Variants in GNA12 observed in about 807,000 individuals in gnomAD.
GNA12 encodes the protein G protein subunit alpha 12.
A neutral mutation model predicts 26.0 loss-of-function variants in GNA12; 9 were observed. That is an observed-to-expected ratio of 0.35 (90% CI 0.21 to 0.60). GNA12 has a LOEUF of 0.60. Ranked by LOEUF, GNA12 falls within the 20% of genes least tolerant of loss-of-function variation. The pLI is 0.78. For missense variants in GNA12, 405 were observed against 525.8 expected (o/e 0.77, Z 2.25); for synonymous variants, 264 against 219.6 (o/e 1.20, Z -1.79).
intron 1 of GNA12, among the ~76,000 whole-genome samples, chr7:2,811,776 C>T (rs1030588648): frequency 6.6e-5 from 10 of 152,198 alleles, no homozygotes; most frequent in South Asian, 2.1e-4. Context: ...GCGGCACGGA[C>T]GCTGCTGAAA....
At chr7:2,813,422 C>T (rs571127678) in intron 1 of GNA12, among the ~76,000 whole-genome samples, 1 of 152,350 alleles carries the variant, frequency 6.6e-6, no homozygotes, top group Admixed American at 6.5e-5. Flanking sequence ...ACCTCCCCTT[C>T]CCCAGAGGGA....
At chr7:2,753,309 A>C (rs1314896619) in intron 2 of GNA12, among the ~76,000 whole-genome samples, 1 of 152,148 alleles carries the variant, frequency 6.6e-6, no homozygotes, top group Non-Finnish European at 1.5e-5. Flanking sequence ...GCATGCCACC[A>C]CGATTGGCTA....
intron 2 of GNA12, among the ~76,000 whole-genome samples, chr7:2,765,887 T>TCCCCCC (rs1791787703): frequency 1.9e-5 from 2 of 107,716 alleles, no homozygotes; most frequent in African/African-American, 6.5e-5. Flanking sequence ...CCCCCTCCCC[T>TCCCCCC]CCCCCCAAGT....
intron 2 of GNA12, among the ~76,000 whole-genome samples, chr7:2,755,935 C>A (rs1344539981): frequency 2.0e-5 from 3 of 152,188 alleles, no homozygotes; most frequent in Non-Finnish European, 4.4e-5. Flanking sequence ...ATACAAATCC[C>A]AGCAGGCATT....
At chr7:2,760,913 G>T (rs1791523337) in intron 2 of GNA12, among the ~76,000 whole-genome samples, 1 of 152,154 alleles carries the variant, frequency 6.6e-6, no homozygotes, top group Admixed American at 6.5e-5. Context: ...GGGGAGTGGG[G>T]GGTTCTGGCT....
chr7:2,774,625 T>A (rs1011478205), intron 2 of GNA12, among the ~76,000 whole-genome samples: 2 of 152,172 alleles, frequency 1.3e-5, no homozygotes, highest in Non-Finnish European at 2.9e-5. Context: ...TTTAATGATA[T>A]AAGGGTCAAA....
At chr7:2,765,802 TG>T (rs1342769866) in intron 2 of GNA12, among the ~76,000 whole-genome samples, 5 of 152,004 alleles carry the variant, frequency 3.3e-5, no homozygotes, top group Non-Finnish European at 7.4e-5. Flanking sequence ...AGCTAATTTT[TG>T]TTTTTTAGTA....
chr7:2,779,442 C>G (rs994001033), intron 2 of GNA12, among the ~76,000 whole-genome samples: 1 of 150,988 alleles, frequency 6.6e-6, no homozygotes, highest in Non-Finnish European at 1.5e-5. Flanking sequence ...CCTGCGAGTT[C>G]GAGGCTACAG....
chr7:2,765,152 T>G (rs1162110979), intron 2 of GNA12: 11 of 136,550 alleles, frequency 8.1e-5, no homozygotes, highest in Admixed American at 7.9e-4. Context: ...CAGGCTGACT[T>G]TTTTTTTTTT....
rs190050198 is a variant in GNA12 at position 2,835,870 on chromosome 7, C to G, written c.309+7983G>C. ...CATTAGCCATTCTCAAGAAGAAACA[C>G]AGGAAATGTTAGAAGCAGCAAATAA... On this transcript the variant is annotated intron_variant, in intron 1 of 3. Transcript: ENST00000275364. 3.2e-5 allele frequency: 19 copies of G among 590,066 alleles called. No homozygotes were observed. The African/African-American group carries it at 3.6e-4, about 11-fold the overall frequency. 36.6% of individuals were successfully genotyped at this position (590,066 alleles called of 1,614,324 possible).
intron 1 of GNA12, among the ~76,000 whole-genome samples, chr7:2,795,816 CTTT>C (rs71026559): frequency 0.11 from 14,816 of 137,848 alleles, 828 homozygotes; most frequent in Middle Eastern, 0.17. Context: ...AAAAAAACAA[CTTT>C]TTTTTTTTTT....
At chr7:2,786,042 G>C (rs566159065) in intron 2 of GNA12, among the ~76,000 whole-genome samples, 42 of 152,244 alleles carry the variant, frequency 2.8e-4, no homozygotes, top group Non-Finnish European at 5.3e-4. Flanking sequence ...ACTCCAGCCT[G>C]GGTGACACAG....
At chr7:2,794,901 G>A (rs942721556) in intron 2 of GNA12, 27 bp downstream of exon 2, 1 of 1,494,198 alleles carries the variant, frequency 6.7e-7, no homozygotes, top group Non-Finnish European at 9.3e-7. Context: ...ACTATCAGGT[G>A]CCCAGCAAGA....
intron 1 of GNA12, among the ~76,000 whole-genome samples, chr7:2,826,648 AC>A (rs1477183167): frequency 6.6e-6 from 1 of 152,196 alleles, no homozygotes; most frequent in Admixed American, 6.5e-5. Flanking sequence ...AGACACAGAA[AC>A]CTTAAATATG....
At position 2,728,909 on chromosome 7, in the gene GNA12, C is replaced by T. The variant is rs1789743036; in HGVS notation, c.*2272G>A. ...CTCGGCCAGGGCGGTGGGGTCAGCGCTGAGCGGGTCAAGAGCCCGCGCCGG... is the reference window on the plus strand; with the variant it reads ...CTCGGCCAGGGCGGTGGGGTCAGCGTTGAGCGGGTCAAGAGCCCGCGCCGG... On this transcript the variant is annotated 3_prime_UTR_variant, in exon 4 of 4. Coordinates refer to ENST00000275364, the MANE Select transcript of GNA12 (RefSeq NM_007353.3). 6.6e-6 allele frequency: 1 copy of T among 152,428 alleles called. No homozygotes were observed. The highest frequency in any genetic ancestry group is 1.5e-5 in the Non-Finnish European group (1 of 68,050). 9.4% of individuals were successfully genotyped at this position (152,428 alleles called of 1,614,324 possible).
chr7:2,732,202 G>T (rs1463986729), intron 3 of GNA12, among the ~76,000 whole-genome samples: 1 of 152,154 alleles, frequency 6.6e-6, no homozygotes, highest in Non-Finnish European at 1.5e-5. Context: ...AATTCTTTAA[G>T]TCTTTAGCGA....
intron 2 of GNA12, chr7:2,775,169 C>G (rs1164620476): frequency 1.3e-5 from 2 of 152,240 alleles, no homozygotes; most frequent in Non-Finnish European, 2.9e-5. Flanking sequence ...AGTGTCTCAG[C>G]TCCCTAGCTC....
At chr7:2,802,984 A>G (rs755013693) in intron 1 of GNA12, among the ~76,000 whole-genome samples, 3 of 152,176 alleles carry the variant, frequency 2.0e-5, no homozygotes, top group Non-Finnish European at 4.4e-5. Flanking sequence ...CAACAAATGC[A>G]CTGCCGTACG....
At position 2,731,832 on chromosome 7, in the gene GNA12, TAAG is replaced by T. The variant is rs1458958581; in HGVS notation, c.577-85_577-83del. 3 of 740,756 alleles carry T rather than the reference TAAG, an allele frequency of 4.0e-6. No homozygotes were observed. The highest frequency in any genetic ancestry group is 6.3e-5 in the Admixed American group (2 of 31,972). 45.9% of individuals were successfully genotyped at this position (740,756 alleles called of 1,614,324 possible). On this transcript the variant is annotated intron_variant, in intron 3 of 3. Transcript: ENST00000275364. This position sits in a 1 kb window ranked among gnomAD's most constrained non-coding sequence, Gnocchi z 6.0. ...TAGAAACAAAAAGATGGCAAAAAGA[TAAG>T]AAGGAAAGAGACTGACTTTTGCAAC...
Sources: gnomAD v4.1 joint callset for allele counts (sites outside exome capture counted in the v4.1 genomes callset) on GRCh38, gnomAD v4.1.1 for gene constraint, Gnocchi (gnomAD v3.1) non-coding constraint, MANE v1.5 for transcripts, NCBI Gene and HGNC (gene_info 2026-07-23, HGNC 2026-07-21) for gene names.